The following CNBD2 variants were observed in gnomAD, a reference collection of about 807,000 sequenced individuals.
CNBD2 encodes the protein cyclic nucleotide-binding domain-containing protein 2.
In CNBD2, 64 loss-of-function variants were observed where a neutral mutation model predicts 63.7. The observed-to-expected ratio is 1.00, with a 90% CI of 0.82 to 1.24. The LOEUF is 1.24. Among genes scored for constraint, CNBD2 ranks in the 50% most tolerant of loss-of-function variants. The pLI, the probability that CNBD2 is intolerant of heterozygous loss-of-function variation, is 0.00. For missense variants in CNBD2, 691 were observed against 713.5 expected (o/e 0.97, Z 0.36); for synonymous variants, 229 against 255.4 (o/e 0.90, Z 0.99).
chr20:35,996,975 A>G (rs1447171587), intron 8 of CNBD2, among the ~76,000 whole-genome samples: 3 of 152,180 alleles, frequency 2.0e-5, no homozygotes, highest in African/African-American at 4.8e-5. Flanking sequence ...AGCCTTCTTC[A>G]TTCTCCATTT....
At chr20:35,975,194 G>T (rs2056489081) in intron 2 of CNBD2, among the ~76,000 whole-genome samples, 1 of 134,336 alleles carries the variant, frequency 7.4e-6, no homozygotes, top group African/African-American at 3.0e-5. Flanking sequence ...GTAGAGACGG[G>T]GTTTCACCTT....
At chr20:36,022,989 AAAAAC>A (rs1177289294) in intron 10 of CNBD2, among the ~76,000 whole-genome samples, 6 of 152,220 alleles carry the variant, frequency 3.9e-5, no homozygotes, top group East Asian at 3.8e-4. Flanking sequence ...AAACAAAAAC[AAAAAC>A]AAAACAAAAC....
intron 7 of CNBD2, 133 bp from the exon 8 acceptor site, chr20:35,994,905 A>G (rs1296797460): frequency 8.3e-6 from 5 of 600,286 alleles, no homozygotes; most frequent in African/African-American, 3.8e-5. Context: ...AAGAAAAAAG[A>G]ACCTGAAACC....
At chr20:35,962,249 C>T (rs991946858) in intron 2 of CNBD2, among the ~76,000 whole-genome samples, 1 of 151,122 alleles carries the variant, frequency 6.6e-6, no homozygotes, top group Non-Finnish European at 1.5e-5. Flanking sequence ...AGGCATGCTC[C>T]CTGCAGTCTT....
chr20:35,957,360 G>C (rs1245679443), downstream of CNBD2, among the ~76,000 whole-genome samples: 2 of 151,994 alleles, frequency 1.3e-5, no homozygotes, highest in East Asian at 3.9e-4. Context: ...GCATAGGCAG[G>C]CGGATCACCT....
In CNBD2 at chr20:35,968,830, G is replaced by A. The variant is rs1218297181; in HGVS notation, c.51+17G>A. The A allele has an allele frequency of 1.9e-6, 3 of 1,596,076 alleles. No individual in the cohort carries two copies. Among genetic ancestry groups the A allele is most frequent in the Non-Finnish European group, 2.6e-6 (3 of 1,169,060 alleles). ...AAGGAACTGGTGAGGAGGGGCAAGG[G>A]CCCTGGGAGGGAAGAGCAGAAGACT... On this transcript the variant is annotated intron_variant, in intron 1 of 11. Coordinates refer to ENST00000373973, the MANE Select transcript of CNBD2 (RefSeq NM_001365709.1).
At chr20:35,975,406 T>A in intron 2 of CNBD2, among the ~76,000 whole-genome samples, 1 of 110,626 alleles carries the variant, frequency 9.0e-6, no homozygotes, top group African/African-American at 3.7e-5. Context: ...GTTCACGCCA[T>A]TCTCCTGCCT....
At chr20:35,965,997 T>C (rs994833161), upstream of CNBD2, among the ~76,000 whole-genome samples, 3 of 152,192 alleles carry the variant, frequency 2.0e-5, no homozygotes, top group Non-Finnish European at 4.4e-5. Context: ...CTTGTCACTC[T>C]TGGATCCTCA....
chr20:35,994,445 T>G (rs1466983168), intron 7 of CNBD2, among the ~76,000 whole-genome samples: 6 of 151,520 alleles, frequency 4.0e-5, no homozygotes, highest in African/African-American at 1.5e-4. Flanking sequence ...TGGGCTCAAG[T>G]GATCTTCCCA....
chr20:35,971,018 G>A (rs192366656), intron 1 of CNBD2, among the ~76,000 whole-genome samples: 3,805 of 149,612 alleles, frequency 0.025, 178 homozygotes, highest in African/African-American at 0.09. Context: ...CGGGATCTCG[G>A]CTCACTGCAA....
chr20:35,993,332 C>A (rs565028646), intron 7 of CNBD2, among the ~76,000 whole-genome samples: 82 of 152,284 alleles, frequency 5.4e-4, no homozygotes, highest in African/African-American at 1.8e-3. Flanking sequence ...GCTTAATACT[C>A]TTAAGACTTA....
At chr20:35,992,739 G>A (rs1226921571) in intron 7 of CNBD2, among the ~76,000 whole-genome samples, 2 of 152,136 alleles carry the variant, frequency 1.3e-5, no homozygotes, top group East Asian at 3.9e-4. Context: ...TTTTGGTACA[G>A]CACCCCCTCC....
At chr20:35,968,938 G>A (rs532058562) in intron 1 of CNBD2, 125 bp downstream of exon 1, 3 of 699,282 alleles carry the variant, frequency 4.3e-6, no homozygotes, top group South Asian at 1.7e-5. Flanking sequence ...ACCTTTTGGA[G>A]TCACAGCATG....
chr20:35,963,403 C>T lies in CNBD2; in HGVS notation c.228+5629C>T, dbSNP rs541304698. Among the ~76,000 whole-genome samples, 11 of 150,672 alleles carry T rather than the reference C, an allele frequency of 7.3e-5. No individual in the cohort carries two copies. The East Asian group carries it at 7.8e-4, about 11-fold the overall frequency. Reference sequence around the variant, plus strand: ...ATTAGTCTACTTAAATGGTTTCGGCCGGTCACGGTGGCGGATCACTTGAGG... The same window carrying T: ...ATTAGTCTACTTAAATGGTTTCGGCTGGTCACGGTGGCGGATCACTTGAGG... On this transcript the variant is annotated intron_variant, in intron 2 of 4. Transcript: ENST00000622112.
intron 5 of CNBD2, 112 bp from the exon 6 acceptor site, chr20:35,984,515 T>C (rs1363730157): frequency 1.7e-6 from 2 of 1,145,948 alleles, no homozygotes; most frequent in African/African-American, 1.5e-5. Context: ...GAACACACAG[T>C]CTGGTGAGGA....
intron 2 of CNBD2, 78 bp from the exon 3 acceptor site, chr20:35,975,871 G>A: frequency 6.8e-6 from 9 of 1,332,240 alleles, no homozygotes; most frequent in Non-Finnish European, 9.7e-6. Context: ...GGTCCAGGTA[G>A]ACAGGAGGGC....
intron 8 of CNBD2, among the ~76,000 whole-genome samples, chr20:35,998,040 C>CTTTTTTTTTT (rs1046661526): frequency 2.4e-5 from 3 of 127,116 alleles, no homozygotes; most frequent in Non-Finnish European, 3.3e-5. Context: ...TTTTCTTTTT[C>CTTTTTTTTTT]TTTTTTTTTT....
At chr20:36,028,674 G>A (rs549855890) in intron 11 of CNBD2, among the ~76,000 whole-genome samples, 16 of 107,498 alleles carry the variant, frequency 1.5e-4, no homozygotes, top group African/African-American at 8.0e-4. Flanking sequence ...GCTTAAGGGC[G>A]TCACGGGCTG....
intron 10 of CNBD2, among the ~76,000 whole-genome samples, chr20:36,015,626 A>G (rs1038422520): frequency 1.3e-5 from 2 of 152,228 alleles, no homozygotes; most frequent in African/African-American, 4.8e-5. Context: ...AACTGCTTTA[A>G]TATGGGAGCA....
Sources: allele counts gnomAD v4.1 joint callset (sites outside exome capture counted in the v4.1 genomes callset), GRCh38; gene constraint gnomAD v4.1.1; transcripts MANE v1.5; gene names NCBI Gene and HGNC (gene_info 2026-07-23, HGNC 2026-07-21).